The following DDHD2 variants were observed in gnomAD, a reference collection of about 807,000 sequenced individuals.
DDHD2 encodes the protein triacylglycerol hydrolase DDHD2.
Under a neutral mutation model 91.2 loss-of-function variants are expected in DDHD2, and 62 were observed. The observed-to-expected ratio is 0.68, with a 90% CI of 0.55 to 0.84. DDHD2 has a LOEUF of 0.84. DDHD2 is among the 40% of genes least tolerant of loss of function. The pLI, the probability that DDHD2 is intolerant of heterozygous loss-of-function variation, is 0.00. For missense variants in DDHD2, 740 were observed against 846.9 expected (o/e 0.87, Z 1.57); for synonymous variants, 271 against 293.9 (o/e 0.92, Z 0.80).
intron 16 of DDHD2, among the ~76,000 whole-genome samples, chr8:38,254,619 C>G (rs553424647): frequency 6.6e-6 from 1 of 152,254 alleles, no homozygotes; most frequent in African/African-American, 2.4e-5. Context: ...CCGCCTCCAC[C>G]TCTGCCTCCC....
chr8:38,249,887 G>C, intron 11 of DDHD2, 84 bp downstream of exon 11: 1 of 912,768 alleles, frequency 1.1e-6, no homozygotes, highest in Non-Finnish European at 1.6e-6. Flanking sequence ...TGTTTACTCT[G>C]GGGAGCCAAG....
chr8:38,264,165 T>G (rs1807249340), downstream of DDHD2: 1 of 1,014,480 alleles, frequency 9.9e-7, no homozygotes, highest in Non-Finnish European at 1.2e-6. Flanking sequence ...TTTTTTTTTT[T>G]GAGATGGGGT....
intron 5 of DDHD2, chr8:38,238,766 A>T: frequency 1.3e-6 from 1 of 799,734 alleles, no homozygotes; most frequent in Non-Finnish European, 1.5e-6. Flanking sequence ...AATACTAGAT[A>T]AAAGTATTTT....
In DDHD2 at chr8:38,252,257, G is replaced by T. The variant is rs141814412; in HGVS notation, c.1587G>T (p.Thr529=). The change falls in exon 13 of 18, where the codon ACG becomes ACT. Residue 529 remains threonine (T), a synonymous_variant. Coordinates refer to ENST00000397166, the MANE Select transcript of DDHD2 (RefSeq NM_015214.3). The stretch of plus-strand genomic sequence containing the variant: ...TTGATCCCAACTACAGATTTCCAAC[G>T]TGCAAAGGTTTCTTCAATATTTATC... The part of the protein sequence containing the change: ...KRIDPNYRFP[T]CKGFFNIYHP... 1.2e-6 allele frequency: 2 copies of T among 1,613,790 alleles called. No homozygotes were observed. The highest frequency in any genetic ancestry group is 1.1e-5 in the South Asian group (1 of 90,984).
chr8:38,250,535 A>G (rs1419170174), intron 11 of DDHD2: 1 of 152,030 alleles, frequency 6.6e-6, no homozygotes, highest in Non-Finnish European at 1.5e-5. Flanking sequence ...AAAGTGCTGC[A>G]CCGCTCCTGG....
intron 1 of DDHD2, chr8:38,268,406 T>C (rs370888222): frequency 3.8e-6 from 6 of 1,576,082 alleles, no homozygotes; most frequent in Non-Finnish European, 5.2e-6. Context: ...TGTGTCTGCC[T>C]TCTTGAGAAA....
chr8:38,258,111 C>CA (rs2130878612), intron 16 of DDHD2, among the ~76,000 whole-genome samples: 1 of 152,286 alleles, frequency 6.6e-6, no homozygotes, highest in African/African-American at 2.4e-5. Flanking sequence ...GTTGGGACTG[C>CA]AGGTGTGCAA....
chr8:38,270,447 AATG>A (rs1405427888), intron 1 of DDHD2: 12 of 152,232 alleles, frequency 7.9e-5, no homozygotes, highest in Non-Finnish European at 1.3e-4. Context: ...GTATATAAAA[AATG>A]ATATTAGCCA....
Position 38,247,717 on chromosome 8 carries a change from C to A in DDHD2, c.1130C>A (p.Ser377Ter). 6.7e-7 allele frequency: 1 copy of A among 1,486,522 alleles called. No homozygotes were observed. Among genetic ancestry groups the A allele is most frequent in the East Asian group, 2.4e-5 (1 of 40,844 alleles). 92.1% of individuals were successfully genotyped at this position (1,486,522 alleles called of 1,614,324 possible). ...SLGDIDSEKDSLNIVMDQGDT... is the reference protein window; with the variant it reads ...SLGDIDSEKD ...GCTTTATAATTTAATTTTTAGGATT[C>A]GCTAAATATTGTAATGGATCAAGGA... Residue 377 changes from serine to a stop codon, truncating the protein, a stop_gained, in exon 10 of 18, where the codon TCG (serine) becomes TAG (stop). Transcript: ENST00000397166. LOFTEE classifies it high-confidence loss of function.
chr8:38,239,471 G>T (rs1409670807), intron 5 of DDHD2, among the ~76,000 whole-genome samples: 2 of 151,170 alleles, frequency 1.3e-5, no homozygotes, highest in Non-Finnish European at 3.0e-5. Flanking sequence ...AGGCGGGCGG[G>T]TCAGGAGGTC....
intron 14 of DDHD2, 30 bp downstream of exon 14, chr8:38,252,854 T>A: frequency 6.2e-7 from 1 of 1,611,032 alleles, no homozygotes; most frequent in Non-Finnish European, 8.5e-7. Flanking sequence ...TTGATAATTC[T>A]AGACCTTTTG....
intron 2 of DDHD2, among the ~76,000 whole-genome samples, chr8:38,234,146 C>T (rs949009957): frequency 2.0e-5 from 3 of 152,068 alleles, no homozygotes; most frequent in South Asian, 2.1e-4. Context: ...TGCTATCTTT[C>T]CCCAGAAAAA....
chr8:38,266,382 G>T, downstream of DDHD2: 1 of 1,343,944 alleles, frequency 7.4e-7, no homozygotes, highest in Non-Finnish European at 1.0e-6. Context: ...CACATAGGAG[G>T]CTAGGAAGCA....
At chr8:38,239,359 G>A (rs1805059526) in intron 5 of DDHD2, among the ~76,000 whole-genome samples, 2 of 143,372 alleles carry the variant, frequency 1.4e-5, no homozygotes, top group Admixed American at 1.4e-4. Flanking sequence ...AGGCGACAGA[G>A]TGAGACTCTG....
At chr8:38,238,622 T>C in intron 5 of DDHD2, 1 of 984,096 alleles carries the variant, frequency 1.0e-6, no homozygotes, top group African/African-American at 1.7e-5. Context: ...ACTTATGGTT[T>C]TATAATATAT....
At chr8:38,263,996 AG>A (rs1230997014), downstream of DDHD2, 8 of 986,022 alleles carry the variant, frequency 8.1e-6, no homozygotes, top group Admixed American at 4.9e-4. Flanking sequence ...ATAGATGAGC[AG>A]GGGCAAAAGT....
intron 16 of DDHD2, among the ~76,000 whole-genome samples, chr8:38,253,945 A>G (rs1806312808): frequency 6.6e-6 from 1 of 151,934 alleles, no homozygotes. Flanking sequence ...GCGTGGTGGT[A>G]TGCGCTTATA....
At chr8:38,239,228 A>G (rs1243445885) in intron 5 of DDHD2, among the ~76,000 whole-genome samples, 1 of 151,658 alleles carries the variant, frequency 6.6e-6, no homozygotes, top group Non-Finnish European at 1.5e-5. Flanking sequence ...ACAAAAATTA[A>G]CTGGGCATGG....
At chr8:38,272,016 C>G (rs1808494539), downstream of DDHD2, 1 of 152,202 alleles carries the variant, frequency 6.6e-6, no homozygotes. Flanking sequence ...TGGAATACAC[C>G]ATGCAAGAAA....
Sources: gnomAD v4.1 joint callset for allele counts (sites outside exome capture counted in the v4.1 genomes callset) on GRCh38, gnomAD v4.1.1 for gene constraint, MANE v1.5 for transcripts, NCBI Gene and HGNC (gene_info 2026-07-23, HGNC 2026-07-21) for gene names.